HOOK3: variants seen among roughly 807,000 people sequenced by gnomAD.
HOOK3 encodes the protein hook microtubule tethering protein 3.
HOOK3 carries 24 observed loss-of-function variants against 116.3 expected under a neutral mutation model. The ratio of observed to expected loss-of-function variants is 0.21; its 90% CI spans 0.15 to 0.29. The LOEUF is 0.29. HOOK3 is among the 10% of genes least tolerant of loss of function. The probability of loss-of-function intolerance (pLI) is 1.00; values close to 1 mark genes in which losing one functional copy is unlikely to be tolerated. For synonymous variants in HOOK3, 275 were observed against 283.0 expected, an observed-to-expected ratio of 0.97 and a Z score of 0.28; for missense variants, 632 against 830.2, an observed-to-expected ratio of 0.76 and a Z score of 2.93.
rs542686532 is a variant in HOOK3 at position 43,023,473 on chromosome 8, C to A, written c.*4975C>A. On this transcript the variant is annotated 3_prime_UTR_variant, in exon 22 of 22. Coordinates refer to ENST00000307602, the MANE Select transcript of HOOK3 (RefSeq NM_032410.4). ...CTTTTCTCCCTCCTTTCTTCCTTCC[C>A]TTCCCTTCCCCTCCCCTCCCCCAGG... 57 of 167,914 alleles carry A rather than the reference C, an allele frequency of 3.4e-4. No homozygotes were observed. The highest frequency in any genetic ancestry group is 1.4e-3 in the African/African-American group (57 of 41,444). 10.4% of individuals were successfully genotyped at this position (167,914 alleles called of 1,614,324 possible).
chr8:43,013,491 A>G, intron 21 of HOOK3, 91 bp downstream of exon 21: 2 of 1,057,506 alleles, frequency 1.9e-6, no homozygotes, highest in Non-Finnish European at 1.3e-6. Flanking sequence ...CACTCTACCA[A>G]ATGAATCTGA....
Position 43,009,171 on chromosome 8 carries a change from G to A in HOOK3, c.1739-1134G>A, listed in dbSNP as rs796922064. ...AATCCTAGCACTTATTTGGGAGGCC[G>A]AGGTGGGTGGATTGCCTGAGCTCAG... On this transcript the variant is annotated intron_variant, in intron 18 of 21. Coordinates refer to ENST00000307602, the MANE Select transcript of HOOK3 (RefSeq NM_032410.4). Among the ~76,000 whole-genome samples the A allele has an allele frequency of 5.3e-5, 8 of 151,982 alleles. No individual in the cohort carries two copies. The South Asian group carries it at 1.7e-3, about 32-fold the overall frequency.
At chr8:43,014,589 A>G (rs989196383) in intron 21 of HOOK3, among the ~76,000 whole-genome samples, 2 of 151,824 alleles carry the variant, frequency 1.3e-5, no homozygotes, top group African/African-American at 4.8e-5. Context: ...TGACCTTGTG[A>G]TCCACCTGCC....
chr8:42,900,186 G>A (rs1807156805), intron 1 of HOOK3, among the ~76,000 whole-genome samples: 1 of 152,176 alleles, frequency 6.6e-6, no homozygotes, highest in Non-Finnish European at 1.5e-5. Context: ...AACATCTTAA[G>A]CTTAAATTCC....
chr8:42,970,780 G>GTTTTTTTTT (rs1299118892), intron 11 of HOOK3, among the ~76,000 whole-genome samples: 15 of 127,908 alleles, frequency 1.2e-4, no homozygotes, highest in African/African-American at 4.8e-4. Flanking sequence ...AGGAATTTGG[G>GTTTTTTTTT]TCTTTTTTTT....
intron 17 of HOOK3, among the ~76,000 whole-genome samples, chr8:43,005,441 C>G (rs1168350622): frequency 6.6e-6 from 1 of 151,590 alleles, no homozygotes; most frequent in Non-Finnish European, 1.5e-5. Flanking sequence ...CCAGGATGGG[C>G]TTGATCTCCT....
intron 6 of HOOK3, among the ~76,000 whole-genome samples, chr8:42,951,066 A>ATTAT (rs1012288473): frequency 5.9e-5 from 9 of 151,504 alleles, no homozygotes; most frequent in East Asian, 1.9e-4. Context: ...AATAATATCT[A>ATTAT]TTATTTATTT....
At chr8:42,956,404 G>T (rs1808437560) in intron 6 of HOOK3, among the ~76,000 whole-genome samples, 1 of 151,562 alleles carries the variant, frequency 6.6e-6, no homozygotes, top group Non-Finnish European at 1.5e-5. Flanking sequence ...TTAATGATTT[G>T]TCATTTTTGT....
Position 42,997,829 on chromosome 8 carries a change from C to T in HOOK3, c.1620+192C>T, listed in dbSNP as rs539828698. 125 of 484,522 alleles carry T rather than the reference C, an allele frequency of 2.6e-4. 1 individual carries two copies. The highest frequency in any genetic ancestry group is 2.2e-3 in the African/African-American group (114 of 51,030). The allele number at this position is 484,522 out of a possible 1,614,324, so 30.0% of individuals were successfully genotyped here. ...TAGTACTTTATTGTCTCTTCAGATT[C>T]GCTCTGCTGGGAATTAGAAGTTCAT... On this transcript the variant is annotated intron_variant, in intron 16 of 21. Coordinates refer to ENST00000307602, the MANE Select transcript of HOOK3 (RefSeq NM_032410.4).
chr8:42,929,597 C>A (rs1807836714), intron 3 of HOOK3, among the ~76,000 whole-genome samples: 1 of 152,106 alleles, frequency 6.6e-6, no homozygotes, highest in East Asian at 1.9e-4. Flanking sequence ...TAAATACTTA[C>A]TTTGATGTTT....
chr8:42,943,483 TGAAG>T (rs778449400), intron 5 of HOOK3, 38 bp downstream of exon 5: 1 of 1,345,794 alleles, frequency 7.4e-7, no homozygotes, highest in Admixed American at 2.7e-5. Context: ...TTTAAAATAA[TGAAG>T]GAAAGTAGTG....
chr8:43,008,981 G>T (rs1250728747), intron 18 of HOOK3, among the ~76,000 whole-genome samples: 1 of 151,956 alleles, frequency 6.6e-6, no homozygotes, highest in African/African-American at 2.4e-5. Context: ...TAAGAAATAG[G>T]CTCTATTGGC....
chr8:43,001,548 C>CTTT (rs538098287), intron 16 of HOOK3, among the ~76,000 whole-genome samples: 2 of 142,092 alleles, frequency 1.4e-5, no homozygotes, highest in Non-Finnish European at 3.1e-5. Flanking sequence ...TTTCAGGAGA[C>CTTT]TTTTTTTTTT....
At chr8:42,994,851 G>A (rs1269198078) in intron 15 of HOOK3, among the ~76,000 whole-genome samples, 1 of 152,190 alleles carries the variant, frequency 6.6e-6, no homozygotes, top group African/African-American at 2.4e-5. Flanking sequence ...GGTACATACT[G>A]GATTGTGTTT....
intron 14 of HOOK3, among the ~76,000 whole-genome samples, chr8:42,984,033 A>G (rs978926289): frequency 6.6e-6 from 1 of 152,150 alleles, no homozygotes; most frequent in African/African-American, 2.4e-5. Context: ...TTTTTTGCAT[A>G]AATGGAAACA....
intron 8 of HOOK3, among the ~76,000 whole-genome samples, chr8:42,960,147 G>GTA (rs975288526): frequency 2.6e-5 from 4 of 152,170 alleles, no homozygotes; most frequent in African/African-American, 9.7e-5. Context: ...CAGAATATAA[G>GTA]TATCTTTAGT....
intron 16 of HOOK3, among the ~76,000 whole-genome samples, chr8:43,001,254 G>A (rs1418295135): frequency 6.6e-6 from 1 of 152,080 alleles, no homozygotes; most frequent in South Asian, 2.1e-4. Flanking sequence ...TTATAGAGCT[G>A]TGTTAGAATG....
At chr8:43,003,864 A>G (rs1340487767) in intron 17 of HOOK3, among the ~76,000 whole-genome samples, 2 of 152,182 alleles carry the variant, frequency 1.3e-5, no homozygotes, top group Admixed American at 6.5e-5. Context: ...TGACCTTCTT[A>G]TAAGGATGCC....
At chr8:42,942,431 T>TA (rs1334326874) in intron 4 of HOOK3, among the ~76,000 whole-genome samples, 1 of 152,228 alleles carries the variant, frequency 6.6e-6, no homozygotes, top group Non-Finnish European at 1.5e-5. Flanking sequence ...CACCAGCACC[T>TA]ACCAGGGCTT....
Sources: gnomAD v4.1 joint callset for allele counts (sites outside exome capture counted in the v4.1 genomes callset) on GRCh38, gnomAD v4.1.1 for gene constraint, MANE v1.5 for transcripts, NCBI Gene and HGNC (gene_info 2026-07-23, HGNC 2026-07-21) for gene names.